Variants in RASSF3 observed in about 807,000 individuals in gnomAD.
RASSF3 encodes ras association domain-containing protein 3.
RASSF3 carries 19 observed loss-of-function variants against 19.9 expected under a neutral mutation model. The observed-to-expected ratio is 0.96, with a 90% confidence interval of 0.67 to 1.40. The LOEUF is 1.40. RASSF3 is among the 40% of genes most tolerant of loss of function. RASSF3 has a pLI of 0.00. For missense variants in RASSF3, 306 were observed against 289.8 expected, an observed-to-expected ratio of 1.06 and a Z score of -0.41; for synonymous variants, 110 against 104.2, an observed-to-expected ratio of 1.06 and a Z score of -0.34.
chr12:64,553,976 C>CAAAAAAAA (rs1021865573), intron 2 of RASSF3, among the ~76,000 whole-genome samples: 1,828 of 83,312 alleles, frequency 0.022, 48 homozygotes, highest in African/African-American at 0.069. Context: ...GATCCTGTCT[C>CAAAAAAAA]AAAAAAAAAA....
chr12:64,529,496 C>T (rs923680097), upstream of RASSF3, among the ~76,000 whole-genome samples: 5 of 152,206 alleles, frequency 3.3e-5, no homozygotes, highest in African/African-American at 1.2e-4. Context: ...AAAGTAAGCA[C>T]TCTGTCTTCT....
At chr12:64,524,726 T>C (rs1302344110) in intron 1 of RASSF3, among the ~76,000 whole-genome samples, 1 of 152,150 alleles carries the variant, frequency 6.6e-6, no homozygotes, top group Non-Finnish European at 1.5e-5. Context: ...GCCAGTCTCA[T>C]CACATCCTCT....
intron 2 of RASSF3, among the ~76,000 whole-genome samples, chr12:64,563,701 C>T (rs1046697893): frequency 2.3e-4 from 35 of 152,286 alleles, no homozygotes; most frequent in Admixed American, 2.2e-3. Flanking sequence ...AGGTCCATTG[C>T]GTTCATTCTG....
At chr12:64,689,836 G>A (rs1868256383) in intron 3 of RASSF3, among the ~76,000 whole-genome samples, 1 of 118,984 alleles carries the variant, frequency 8.4e-6, no homozygotes, top group Admixed American at 1.1e-4. Flanking sequence ...ACCCAGGCTG[G>A]AGGTGCAGTG....
intron 3 of RASSF3, among the ~76,000 whole-genome samples, chr12:64,689,183 G>C (rs1209596141): frequency 1.3e-5 from 2 of 151,988 alleles, no homozygotes; most frequent in Non-Finnish European, 2.9e-5. Context: ...GTGGACAGTA[G>C]TGATTCAGTG....
At chr12:64,596,678 A>G (rs2136143179) in intron 2 of RASSF3, among the ~76,000 whole-genome samples, 1 of 151,756 alleles carries the variant, frequency 6.6e-6, no homozygotes, top group Non-Finnish European at 1.5e-5. Context: ...TCATGCCCTG[A>G]CTCCACTAGT....
intron 1 of RASSF3, among the ~76,000 whole-genome samples, chr12:64,671,194 A>AG (rs1390549646): frequency 6.6e-6 from 1 of 152,126 alleles, no homozygotes; most frequent in Non-Finnish European, 1.5e-5. Flanking sequence ...AAAGAAAGGG[A>AG]GGCAGGATAG....
intron 1 of RASSF3, among the ~76,000 whole-genome samples, chr12:64,615,272 C>T (rs1190234201): frequency 6.6e-6 from 1 of 152,154 alleles, no homozygotes. Flanking sequence ...TGTGTCTTAC[C>T]TCTTAGCTAA....
chr12:64,509,623 C>T (rs574590589), intron 1 of RASSF3, among the ~76,000 whole-genome samples: 6 of 152,240 alleles, frequency 3.9e-5, no homozygotes, highest in African/African-American at 1.2e-4. Context: ...TGTGAACATA[C>T]GAGCCCTCAC....
At chr12:64,660,196 G>A (rs1258317403) in intron 1 of RASSF3, among the ~76,000 whole-genome samples, 1 of 152,030 alleles carries the variant, frequency 6.6e-6, no homozygotes, top group African/African-American at 2.4e-5. Flanking sequence ...AGGATTACAA[G>A]TGTGAGCTAC....
chr12:64,570,780 T>A (rs928921012), intron 2 of RASSF3, among the ~76,000 whole-genome samples: 4 of 152,144 alleles, frequency 2.6e-5, no homozygotes, highest in African/African-American at 9.7e-5. Flanking sequence ...TCTCACGAGC[T>A]TTTTGGGTAG....
At chr12:64,637,420 TTTC>T (rs1871359790) in intron 1 of RASSF3, among the ~76,000 whole-genome samples, 1 of 137,760 alleles carries the variant, frequency 7.3e-6, no homozygotes, top group South Asian at 2.3e-4. Context: ...GAGTAGTTTC[TTTC>T]TTTTTTTTTT....
At chr12:64,531,967 TCAGGACAC>T (rs1868717693), upstream of RASSF3, among the ~76,000 whole-genome samples, 1 of 152,162 alleles carries the variant, frequency 6.6e-6, no homozygotes, top group Non-Finnish European at 1.5e-5. Flanking sequence ...CTCCTCTGCC[TCAGGACAC>T]CAGAAAAGTA....
chr12:64,677,381 A>C (rs1190249625), intron 1 of RASSF3, among the ~76,000 whole-genome samples: 1 of 152,130 alleles, frequency 6.6e-6, no homozygotes, highest in African/African-American at 2.4e-5. Context: ...ACCTCTGCCT[A>C]CTTTATTATT....
chr12:64,542,315 G>C (rs770784067), downstream of RASSF3, among the ~76,000 whole-genome samples: 35 of 152,140 alleles, frequency 2.3e-4, no homozygotes, highest in Non-Finnish European at 4.7e-4. Context: ...CTAAGTGACA[G>C]AGTAAGATCC....
At chr12:64,603,221 T>A (rs574641564) in intron 2 of RASSF3, among the ~76,000 whole-genome samples, 1 of 152,280 alleles carries the variant, frequency 6.6e-6, no homozygotes, top group Admixed American at 6.5e-5. Context: ...GAAAGGTAAT[T>A]ATGACTTGGT....
Position 64,661,503 on chromosome 12 carries a change from G to T in RASSF3, c.112-23284G>T, listed in dbSNP as rs1301764012. On this transcript the variant is annotated intron_variant, in intron 1 of 4. Transcript: ENST00000542104. ...GTCTCTAAAAAAAAGGGGCGCAGGG[G>T]GTTCTTTCCATGAATGTGATGCTCA... Among the ~76,000 whole-genome samples, 3 of 151,844 alleles carry T rather than the reference G, an allele frequency of 2.0e-5. No individual in the cohort carries two copies. In the East Asian group the frequency reaches 5.8e-4, roughly 29 times the overall value.
chr12:64,591,228 G>A (rs1465351384), intron 2 of RASSF3, among the ~76,000 whole-genome samples: 1 of 152,126 alleles, frequency 6.6e-6, no homozygotes, highest in African/African-American at 2.4e-5. Context: ...TGTAATCCCA[G>A]CACTTTGGGA....
chr12:64,654,094 G>A (rs1398405720), intron 1 of RASSF3: 1 of 152,146 alleles, frequency 6.6e-6, no homozygotes, highest in South Asian at 2.1e-4. Context: ...AATTAATTTG[G>A]TAGCACTGAG....
Sources: allele counts gnomAD v4.1 joint callset (sites outside exome capture counted in the v4.1 genomes callset), GRCh38; gene constraint gnomAD v4.1.1; transcripts MANE v1.5; gene names NCBI Gene and HGNC (gene_info 2026-07-23, HGNC 2026-07-21).